PC: variants seen among roughly 807,000 people sequenced by gnomAD.
PC encodes pyruvate carboxylase.
Under a neutral mutation model 107.8 loss-of-function variants are expected in PC, and 46 were observed. The observed-to-expected ratio is 0.43, with a 90% CI of 0.34 to 0.55. PC has a LOEUF of 0.55. Ranked by LOEUF, PC falls within the 20% of genes least tolerant of loss-of-function variation. The pLI, the probability that PC is intolerant of heterozygous loss-of-function variation, is 0.04. For missense variants in PC, 1,241 were observed against 1,643.1 expected, an observed-to-expected ratio of 0.76 and a Z score of 4.23; for synonymous variants, 662 against 684.7, an observed-to-expected ratio of 0.97 and a Z score of 0.52.
Position 66,849,368 on chromosome 11 carries a change from C to T in PC, c.3150G>A (p.Val1050=), listed in dbSNP as rs1945333259. Residue 1050 remains valine (V), a splice_region_variant and synonymous_variant, in exon 22 of 23, where the codon GTG becomes GTA. Coordinates refer to ENST00000393960, the MANE Select transcript of PC (RefSeq NM_001040716.2). ...GCAGCGTCTTGCCCCGCTCCAGCTC[C>T]ACCTGCAGGGAGGGTGTGCAGACTC... ...QGPKIAEEFE[V]ELERGKTLHI... is the part of the protein sequence containing the mutation. 1 of 1,612,702 alleles carries T rather than the reference C, an allele frequency of 6.2e-7. No individual in the cohort carries two copies. Among genetic ancestry groups the T allele is most frequent in the East Asian group, 2.2e-5 (1 of 44,894 alleles).
In PC at chr11:66,949,855, T is replaced by C. The variant is rs570477805; in HGVS notation, c.-1+2575A>G. On this transcript the variant is annotated intron_variant, in intron 3 of 22. Coordinates refer to ENST00000393960, the MANE Select transcript of PC (RefSeq NM_001040716.2). The stretch of plus-strand genomic sequence containing the variant: ...AATCAATTGTTTTCGACCAAAGTAA[T>C]TTCTGAATAATCTTTGCATTACATA... Among the ~76,000 whole-genome samples, 5 of 152,074 alleles carry C rather than the reference T, an allele frequency of 3.3e-5. No individual in the cohort carries two copies. In the South Asian group the frequency reaches 1.0e-3, roughly 32 times the overall value.
At chr11:66,929,361 A>G (rs1948791664) in intron 3 of PC, among the ~76,000 whole-genome samples, 1 of 151,730 alleles carries the variant, frequency 6.6e-6, no homozygotes, top group African/African-American at 2.4e-5. Context: ...TGAAAGTGCT[A>G]CTTTATTTTT....
chr11:66,853,187 AT>A, intron 13 of PC, 51 bp downstream of exon 13: 1 of 1,567,710 alleles, frequency 6.4e-7, no homozygotes, highest in South Asian at 1.1e-5. Flanking sequence ...GGAGCAAGAG[AT>A]TGGAGAGCGG....
At position 66,852,489 on chromosome 11, in the gene PC, G is replaced by A; in HGVS notation, c.1775C>T (p.Pro592Leu). 1 of 1,614,108 alleles carries A rather than the reference G, an allele frequency of 6.2e-7. No individual in the cohort carries two copies. The highest frequency in any genetic ancestry group is 8.5e-7 in the Non-Finnish European group (1 of 1,180,030). The change falls in exon 15 of 23, where the codon CCC becomes CTC. Residue 592 changes from proline to leucine, a missense_variant. This residue lies in a region of PC where 1,143 missense variants were observed against 1,551.9 expected (regional missense o/e 0.74). Transcript: ENST00000393960. The surrounding 1 kb of genome is among the most constrained non-coding windows in gnomAD (Gnocchi z 4.7). Reference sequence around the variant, plus strand: ...CTTGCTGAAGTTGTGGGCAACATAGGGGGCGATCTTTTTGAGATCGTGGGT... The same window carrying A: ...CTTGCTGAAGTTGTGGGCAACATAGAGGGCGATCTTTTTGAGATCGTGGGT... ...VRTHDLKKIA[P>L]YVAHNFSKLF...
chr11:66,858,378 C>T lies in PC; in HGVS notation c.1369-4995G>A. Reference sequence around the variant, plus strand: ...CCGCCTGGCCACGCTGGCTCCGGACCCGCTTTTCTCTCGTGGGCGTGATGC... The same window carrying T: ...CCGCCTGGCCACGCTGGCTCCGGACTCGCTTTTCTCTCGTGGGCGTGATGC... On this transcript the variant is annotated intron_variant, in intron 12 of 22. Coordinates refer to ENST00000393960, the MANE Select transcript of PC (RefSeq NM_001040716.2). This position sits in a 1 kb window ranked among gnomAD's most constrained non-coding sequence, Gnocchi z 5.9. The T allele has an allele frequency of 6.3e-7, 1 of 1,578,866 alleles. No individual in the cohort carries two copies. Among genetic ancestry groups the T allele is most frequent in the African/African-American group, 1.3e-5 (1 of 74,368 alleles).
intron 1 of PC, among the ~76,000 whole-genome samples, chr11:66,956,347 G>A (rs1949560918): frequency 6.6e-6 from 1 of 152,000 alleles, no homozygotes; most frequent in African/African-American, 2.4e-5. Context: ...CACTTTGGGA[G>A]GTCGAGGTGG....
chr11:66,948,446 T>C (rs1306684153), intron 3 of PC, among the ~76,000 whole-genome samples: 8 of 152,196 alleles, frequency 5.3e-5, no homozygotes, highest in African/African-American at 1.2e-4. Context: ...GTTCACTCTC[T>C]GGACTGCAGT....
chr11:66,867,726 A>AT (rs1946554584), intron 10 of PC, among the ~76,000 whole-genome samples: 2 of 152,218 alleles, frequency 1.3e-5, no homozygotes, highest in Non-Finnish European at 2.9e-5. Context: ...ACAGACTCCC[A>AT]TCCCTAACAG....
chr11:66,911,267 G>A (rs965075173), intron 3 of PC, among the ~76,000 whole-genome samples: 2 of 152,210 alleles, frequency 1.3e-5, no homozygotes, highest in Admixed American at 1.3e-4. Flanking sequence ...GGAAGGAGCT[G>A]CGAGATGTGA....
chr11:66,915,905 C>T (rs769044320), intron 3 of PC, among the ~76,000 whole-genome samples: 3 of 152,172 alleles, frequency 2.0e-5, no homozygotes, highest in East Asian at 3.9e-4. Flanking sequence ...CTGCCTCTTT[C>T]GGCACTTTGA....
intron 3 of PC, among the ~76,000 whole-genome samples, chr11:66,922,170 C>T (rs938056238): frequency 6.6e-5 from 10 of 152,108 alleles, no homozygotes; most frequent in Admixed American, 2.0e-4. Context: ...AACAGAATAA[C>T]GACAAGAAAG....
Position 66,934,262 on chromosome 11 carries a change from C to T in PC, c.-1+18168G>A, listed in dbSNP as rs544081778. On this transcript the variant is annotated intron_variant, in intron 3 of 22. Coordinates refer to ENST00000393960, the MANE Select transcript of PC (RefSeq NM_001040716.2). Reference sequence around the variant, plus strand: ...AAGGGGTTCACTTCTAACTGTTCATCACTGGTCCCATTAACAGAGCCACCA... The same window carrying T: ...AAGGGGTTCACTTCTAACTGTTCATTACTGGTCCCATTAACAGAGCCACCA... 1.9e-4 allele frequency among the ~76,000 whole-genome samples: 29 copies of T among 152,304 alleles called. No individual in the cohort carries two copies. The South Asian group carries it at 4.1e-3, about 22-fold the overall frequency.
Position 66,852,863 on chromosome 11 carries a change from G to A in PC, c.1514-27C>T. The A allele has an allele frequency of 6.6e-7, 1 of 1,511,964 alleles. No homozygotes were observed. The highest frequency in any genetic ancestry group is 9.0e-7 in the Non-Finnish European group (1 of 1,109,444). The allele number at this position is 1,511,964 out of a possible 1,614,324, so 93.7% of individuals were successfully genotyped here. A position where few individuals can be genotyped will look rare whatever the true frequency, so the allele number is the denominator to read the frequency against. On this transcript the variant is annotated intron_variant, in intron 13 of 22. Coordinates refer to ENST00000393960, the MANE Select transcript of PC (RefSeq NM_001040716.2). This position sits in a 1 kb window ranked among gnomAD's most constrained non-coding sequence, Gnocchi z 4.7. ...TGGGGAGAAAGCGGGCAGTGGGTCAGGGTGGGCTGGGCAGAGGCTGAGTCG... is the reference window on the plus strand; with the variant it reads ...TGGGGAGAAAGCGGGCAGTGGGTCAAGGTGGGCTGGGCAGAGGCTGAGTCG...
intron 1 of PC, among the ~76,000 whole-genome samples, chr11:66,956,919 G>C (rs7106145): frequency 0.22 from 32,781 of 152,186 alleles, 5,006 homozygotes; most frequent in African/African-American, 0.43. Flanking sequence ...CTCCCCCAAT[G>C]GGTTTGTCAG....
chr11:66,940,045 T>C (rs1045356931), intron 3 of PC, among the ~76,000 whole-genome samples: 1 of 151,946 alleles, frequency 6.6e-6, no homozygotes, highest in South Asian at 2.1e-4. Flanking sequence ...AAAGCAAAGA[T>C]AGACAAGTTG....
intron 3 of PC, among the ~76,000 whole-genome samples, chr11:66,914,355 T>C (rs1263716284): frequency 6.6e-6 from 1 of 151,744 alleles, no homozygotes; most frequent in Non-Finnish European, 1.5e-5. Flanking sequence ...CTACTAAAAA[T>C]ACAAAAATTA....
At chr11:66,888,945 A>G (rs1018376170) in intron 3 of PC, among the ~76,000 whole-genome samples, 4 of 152,012 alleles carry the variant, frequency 2.6e-5, no homozygotes, top group Non-Finnish European at 4.4e-5. Flanking sequence ...GTGGTGGTGC[A>G]TGCCTGTAAT....
intron 2 of PC, among the ~76,000 whole-genome samples, chr11:66,953,096 G>A (rs1001753754): frequency 2.6e-5 from 4 of 152,256 alleles, no homozygotes; most frequent in African/African-American, 4.8e-5. Flanking sequence ...ACACTGGGAC[G>A]TTAACCGACA....
At chr11:66,861,351 C>T (rs990844678) in intron 12 of PC, among the ~76,000 whole-genome samples, 7 of 152,206 alleles carry the variant, frequency 4.6e-5, no homozygotes, top group Admixed American at 6.5e-5. Flanking sequence ...ACTCAGAAGG[C>T]GGCCCTGGCA....
Sources: allele counts gnomAD v4.1 joint callset (sites outside exome capture counted in the v4.1 genomes callset), GRCh38; gene constraint gnomAD v4.1.1; regional missense constraint gnomAD v4.1.1; non-coding constraint Gnocchi (gnomAD v3.1); transcripts MANE v1.5; gene names NCBI Gene and HGNC (gene_info 2026-07-23, HGNC 2026-07-21).